Variants in ME1 observed in about 807,000 individuals in gnomAD.
The protein encoded by ME1 is NADP-dependent malic enzyme.
Under a neutral mutation model 66.4 loss-of-function variants are expected in ME1, and 74 were observed. That is an observed-to-expected ratio of 1.11 (90% confidence interval 0.92 to 1.35). ME1 has a LOEUF of 1.35. ME1 is among the 40% of genes most tolerant of loss of function. ME1 has a pLI of 0.00. For missense variants in ME1, 750 were observed against 694.1 expected (o/e 1.08, Z -0.90); for synonymous variants, 251 against 235.6 (o/e 1.07, Z -0.60).
chr6:83,399,676 T>C (rs1769806318), intron 2 of ME1, among the ~76,000 whole-genome samples: 1 of 152,232 alleles, frequency 6.6e-6, no homozygotes, highest in African/African-American at 2.4e-5. Flanking sequence ...AACCTCTTCA[T>C]GATATCTGTA....
At chr6:83,281,846 C>CAAAAAAAAAA (rs1562468375) in intron 6 of ME1, among the ~76,000 whole-genome samples, 3 of 67,726 alleles carry the variant, frequency 4.4e-5, no homozygotes, top group Non-Finnish European at 9.1e-5. Context: ...GAAAAGAAAA[C>CAAAAAAAAAA]AAAAAAGAGA....
At chr6:83,273,284 A>C (rs541716980) in intron 6 of ME1, among the ~76,000 whole-genome samples, 1 of 152,170 alleles carries the variant, frequency 6.6e-6, no homozygotes, top group Non-Finnish European at 1.5e-5. Context: ...GAAGGTTTTA[A>C]TGTAACTATG....
chr6:83,285,724 A>G (rs750256591), intron 6 of ME1, among the ~76,000 whole-genome samples: 2 of 152,220 alleles, frequency 1.3e-5, no homozygotes. Flanking sequence ...GTGTACAAGA[A>G]ATAGCAAGAT....
chr6:83,413,853 A>T (rs1205074561), intron 1 of ME1, among the ~76,000 whole-genome samples: 1 of 152,152 alleles, frequency 6.6e-6, no homozygotes, highest in Non-Finnish European at 1.5e-5. Flanking sequence ...TCACACCTGT[A>T]ATCCCAGCAC....
chr6:83,415,469 A>C (rs1770142479), intron 1 of ME1, among the ~76,000 whole-genome samples: 1 of 152,216 alleles, frequency 6.6e-6, no homozygotes, highest in South Asian at 2.1e-4. Context: ...CACCTAGTAC[A>C]ATGTCGGGAT....
chr6:83,305,079 T>A (rs1158504513), intron 6 of ME1, among the ~76,000 whole-genome samples: 3 of 152,170 alleles, frequency 2.0e-5, no homozygotes. Flanking sequence ...AAATAAGACA[T>A]GTTTAAATGA....
At chr6:83,345,824 T>C (rs1470268039) in intron 5 of ME1, among the ~76,000 whole-genome samples, 2 of 152,192 alleles carry the variant, frequency 1.3e-5, no homozygotes, top group East Asian at 3.8e-4. Context: ...TATTTCAGAC[T>C]GATTAAATTT....
At chr6:83,409,829 C>T (rs1770013125) in intron 1 of ME1, among the ~76,000 whole-genome samples, 1 of 152,190 alleles carries the variant, frequency 6.6e-6, no homozygotes, top group Admixed American at 6.5e-5. Context: ...TCATTAGCAG[C>T]CATTCTCATA....
At chr6:83,334,238 G>A (rs549174694) in intron 5 of ME1, among the ~76,000 whole-genome samples, 179 of 146,030 alleles carry the variant, frequency 1.2e-3, no homozygotes, top group African/African-American at 4.4e-3. Flanking sequence ...ACTCCCACCC[G>A]AATATTGCGC....
intron 6 of ME1, among the ~76,000 whole-genome samples, chr6:83,264,132 T>C (rs969777629): frequency 6.6e-6 from 1 of 152,132 alleles, no homozygotes; most frequent in East Asian, 1.9e-4. Flanking sequence ...AAAACATAGG[T>C]CCCTTAAGAA....
intron 5 of ME1, among the ~76,000 whole-genome samples, chr6:83,323,443 A>G (rs1365656880): frequency 1.3e-5 from 2 of 152,160 alleles, no homozygotes; most frequent in African/African-American, 4.8e-5. Context: ...GGCTCAAAAT[A>G]AAGGGATGGA....
intron 1 of ME1, among the ~76,000 whole-genome samples, chr6:83,429,049 G>A (rs1770430047): frequency 6.6e-6 from 1 of 152,050 alleles, no homozygotes. Flanking sequence ...GGATCACGAA[G>A]CCAGGAGATC....
chr6:83,420,636 G>C (rs1352547167), intron 1 of ME1, among the ~76,000 whole-genome samples: 3 of 152,196 alleles, frequency 2.0e-5, no homozygotes, highest in African/African-American at 7.2e-5. Flanking sequence ...GCATATAAAA[G>C]AGGTTATTGT....
intron 7 of ME1, among the ~76,000 whole-genome samples, chr6:83,240,892 C>A (rs1790497901): frequency 6.6e-6 from 1 of 152,030 alleles, no homozygotes; most frequent in African/African-American, 2.4e-5. Context: ...GCCTGTTAGT[C>A]CCATATGTGC....
At chr6:83,294,818 C>G (rs1013260278) in intron 6 of ME1, among the ~76,000 whole-genome samples, 2 of 152,070 alleles carry the variant, frequency 1.3e-5, no homozygotes, top group African/African-American at 4.8e-5. Flanking sequence ...GGCAATTGCA[C>G]TGATAGATTG....
chr6:83,342,151 G>A (rs1228122019), intron 5 of ME1, among the ~76,000 whole-genome samples: 2 of 152,118 alleles, frequency 1.3e-5, no homozygotes, highest in Non-Finnish European at 2.9e-5. Flanking sequence ...TCATTTAAAT[G>A]GGGTGAACAC....
intron 3 of ME1, among the ~76,000 whole-genome samples, chr6:83,374,371 A>G (rs1261866037): frequency 3.9e-5 from 6 of 152,106 alleles, no homozygotes; most frequent in Admixed American, 6.5e-5. Flanking sequence ...AGCTTTTTTC[A>G]TATGTTTGTT....
At chr6:83,359,254 C>T (rs1768958691) in intron 3 of ME1, among the ~76,000 whole-genome samples, 1 of 152,206 alleles carries the variant, frequency 6.6e-6, no homozygotes, top group African/African-American at 2.4e-5. Context: ...GGAGCCACCC[C>T]CAACACCTCT....
chr6:83,258,800 T>C (rs1766830994), intron 6 of ME1, among the ~76,000 whole-genome samples: 2 of 152,008 alleles, frequency 1.3e-5, no homozygotes, highest in Non-Finnish European at 2.9e-5. Context: ...TAGCAGGTGG[T>C]AAGGTCTGCA....
Sources: allele counts gnomAD v4.1 joint callset (sites outside exome capture counted in the v4.1 genomes callset), GRCh38; gene constraint gnomAD v4.1.1; transcripts MANE v1.5; gene names NCBI Gene and HGNC (gene_info 2026-07-23, HGNC 2026-07-21).